WLS: variants seen among roughly 807,000 people sequenced by gnomAD.
The protein encoded by WLS is Wnt ligand secretion mediator.
WLS carries 23 observed loss-of-function variants against 62.8 expected under a neutral mutation model. The ratio of observed to expected loss-of-function variants is 0.37; its 90% CI spans 0.26 to 0.52. WLS has a LOEUF of 0.52. Among genes scored for constraint, WLS ranks in the 20% least tolerant of loss-of-function variants. WLS has a pLI of 0.92. For synonymous variants in WLS, 246 were observed against 244.1 expected (o/e 1.01, Z -0.07); for missense variants, 615 against 697.3 (o/e 0.88, Z 1.33).
At chr1:68,143,635 G>A (rs1305224213) in intron 10 of WLS, among the ~76,000 whole-genome samples, 1 of 152,192 alleles carries the variant, frequency 6.6e-6, no homozygotes, top group African/African-American at 2.4e-5. Context: ...TAGCCTAGGA[G>A]CAATAGGTTA....
At chr1:68,162,777 G>A in intron 2 of WLS, 2 of 1,094,330 alleles carry the variant, frequency 1.8e-6, no homozygotes, top group Non-Finnish European at 2.8e-6. Context: ...CGTAGCCACT[G>A]CCTATCTGCA....
chr1:68,147,957 T>A (rs1265942160), intron 8 of WLS, among the ~76,000 whole-genome samples, 179 bp downstream of exon 8: 2 of 152,214 alleles, frequency 1.3e-5, no homozygotes, highest in Non-Finnish European at 2.9e-5. Flanking sequence ...TCACCCAGGC[T>A]TGAAAGCAAG....
At chr1:68,194,635 TA>T (rs1648564305) in intron 1 of WLS, among the ~76,000 whole-genome samples, 3 of 152,316 alleles carry the variant, frequency 2.0e-5, no homozygotes, top group African/African-American at 7.2e-5. Context: ...GAAGCCTGGT[TA>T]AAAACCTACT....
downstream of WLS, among the ~76,000 whole-genome samples, chr1:68,123,224 TAAG>T (rs1646385070): frequency 1.3e-5 from 2 of 152,324 alleles, no homozygotes; most frequent in Admixed American, 6.5e-5. Context: ...CCTTGCCACT[TAAG>T]AAGGTTACAC....
intron 2 of WLS, among the ~76,000 whole-genome samples, chr1:68,166,533 G>A (rs1209792892): frequency 6.6e-6 from 1 of 152,166 alleles, no homozygotes; most frequent in Non-Finnish European, 1.5e-5. Flanking sequence ...TACTACCTTT[G>A]CTGGTGAAAA....
chr1:68,152,840 G>A (rs964803823), intron 5 of WLS, among the ~76,000 whole-genome samples: 1 of 152,226 alleles, frequency 6.6e-6, no homozygotes, highest in African/African-American at 2.4e-5. Context: ...AGTCAATGAT[G>A]TGGAGAGAAA....
At chr1:68,204,070 T>C (rs929082216) in intron 1 of WLS, among the ~76,000 whole-genome samples, 23 of 152,200 alleles carry the variant, frequency 1.5e-4, no homozygotes, top group African/African-American at 5.5e-4. Flanking sequence ...GCAATTAAAG[T>C]ACAGGGCATT....
intron 10 of WLS, among the ~76,000 whole-genome samples, chr1:68,143,303 C>A (rs1302939361): frequency 6.6e-6 from 1 of 152,146 alleles, no homozygotes; most frequent in Non-Finnish European, 1.5e-5. Flanking sequence ...AAAGCACTGG[C>A]AAAAGAGTCA....
chr1:68,162,200 G>T (rs145065644), intron 2 of WLS: 1 of 1,433,226 alleles, frequency 7.0e-7, no homozygotes, highest in Non-Finnish European at 9.8e-7. Flanking sequence ...TCCGACTCAC[G>T]CACATAGAGG....
chr1:68,126,214 C>T lies in WLS; in HGVS notation c.*12G>A, dbSNP rs573887344. Reference sequence around the variant, plus strand: ...GTATGGAGAGACCGTCCCAGCCGGGCGCTGCAGCCTCCTACTCCTGGGCCT... The same window carrying T: ...GTATGGAGAGACCGTCCCAGCCGGGTGCTGCAGCCTCCTACTCCTGGGCCT... On this transcript the variant is annotated 3_prime_UTR_variant, in exon 12 of 12. Coordinates refer to ENST00000262348, the MANE Select transcript of WLS (RefSeq NM_024911.7). 2.9e-5 allele frequency: 47 copies of T among 1,613,938 alleles called. No homozygotes were observed. The highest frequency in any genetic ancestry group is 1.7e-4 in the African/African-American group (13 of 75,028).
chr1:68,167,782 G>A (rs1009526033), intron 2 of WLS, among the ~76,000 whole-genome samples: 6 of 152,072 alleles, frequency 3.9e-5, no homozygotes, highest in Non-Finnish European at 8.8e-5. Flanking sequence ...TTAGTTGGGT[G>A]GAGAATTCAT....
At chr1:68,121,336 G>A (rs1557454253), downstream of WLS, 1 of 152,154 alleles carries the variant, frequency 6.6e-6, no homozygotes, top group African/African-American at 2.4e-5. Flanking sequence ...ACTTGAGTGG[G>A]GCAGGCCCTA....
chr1:68,159,414 T>C (rs992876899), intron 2 of WLS, among the ~76,000 whole-genome samples, 167 bp from the exon 3 acceptor site: 6 of 152,052 alleles, frequency 3.9e-5, no homozygotes, highest in African/African-American at 1.2e-4. Flanking sequence ...AGGATGAAAG[T>C]CTAAGCCAAA....
chr1:68,150,373 A>G lies in WLS; in HGVS notation c.804-17T>C, dbSNP rs1646810097. 2 of 1,612,644 alleles carry G rather than the reference A, an allele frequency of 1.2e-6. No homozygotes were observed. The highest frequency in any genetic ancestry group is 1.3e-5 in the African/African-American group (1 of 75,016). ...AAGATGACTCTGATGGTGAGAAAAT[A>G]TCAGGACAGCCACTTTATTCATCTG... On this transcript the variant is annotated splice_polypyrimidine_tract_variant and intron_variant, in intron 5 of 11. Transcript: ENST00000262348.
intron 1 of WLS, among the ~76,000 whole-genome samples, chr1:68,223,730 A>G (rs17130592): frequency 0.12 from 18,246 of 152,194 alleles, 1,435 homozygotes; most frequent in East Asian, 0.37. Flanking sequence ...TCTGTTTCAC[A>G]TCGCAGTTGA....
intron 11 of WLS, among the ~76,000 whole-genome samples, chr1:68,133,369 G>C (rs1465203516): frequency 6.6e-6 from 1 of 152,176 alleles, no homozygotes; most frequent in East Asian, 1.9e-4. Context: ...CTATCTGCTG[G>C]TGAGAACACT....
chr1:68,188,449 T>C (rs964852423), intron 2 of WLS, among the ~76,000 whole-genome samples: 3 of 151,938 alleles, frequency 2.0e-5, no homozygotes, highest in African/African-American at 7.3e-5. Flanking sequence ...CCACTGGGAG[T>C]TCATAGTTTA....
chr1:68,195,210 G>A (rs57748040), intron 1 of WLS, among the ~76,000 whole-genome samples: 31,551 of 152,186 alleles, frequency 0.21, 3,478 homozygotes, highest in Middle Eastern at 0.28. Flanking sequence ...GAAAAGCAGA[G>A]TATTGTGTGA....
chr1:68,133,712 C>T lies in WLS; in HGVS notation c.1516+4068G>A, dbSNP rs1176875318. 2.6e-5 allele frequency among the ~76,000 whole-genome samples: 4 copies of T among 152,334 alleles called. No homozygotes were observed. In the East Asian group the frequency reaches 7.7e-4, roughly 29 times the overall value. ...CCCACTTTGTTCTTCTCTGTCCATT[C>T]TATGACCAAAAGAGAGAAGAAAAAG... On this transcript the variant is annotated intron_variant, in intron 11 of 11. Transcript: ENST00000262348.
Sources: allele counts gnomAD v4.1 joint callset (sites outside exome capture counted in the v4.1 genomes callset), GRCh38; gene constraint gnomAD v4.1.1; transcripts MANE v1.5; gene names NCBI Gene and HGNC (gene_info 2026-07-23, HGNC 2026-07-21).